Variants in CORIN observed in about 807,000 individuals in gnomAD.
The protein encoded by CORIN is atrial natriuretic peptide-converting enzyme.
Under a neutral mutation model 125.3 loss-of-function variants are expected in CORIN, and 117 were observed. The observed-to-expected ratio is 0.93, with a 90% CI of 0.80 to 1.09. The LOEUF is 1.09. CORIN is among the 50% of genes least tolerant of loss of function. CORIN has a pLI of 0.00. For synonymous variants in CORIN, 450 were observed against 466.4 expected, an observed-to-expected ratio of 0.96 and a Z score of 0.45; for missense variants, 1,253 against 1,306.7, an observed-to-expected ratio of 0.96 and a Z score of 0.63.
chr4:47,779,060 A>C (rs564875574), intron 3 of CORIN, among the ~76,000 whole-genome samples: 1 of 152,268 alleles, frequency 6.6e-6, no homozygotes, highest in Non-Finnish European at 1.5e-5. Context: ...TAGTATAATT[A>C]AATTGCCAAT....
chr4:47,659,794 C>T (rs1724164245), intron 12 of CORIN, among the ~76,000 whole-genome samples: 1 of 152,128 alleles, frequency 6.6e-6, no homozygotes, highest in African/African-American at 2.4e-5. Context: ...GTAAAGCAAT[C>T]TATAGATTAA....
chr4:47,643,062 C>A (rs753545657), intron 15 of CORIN, 84 bp downstream of exon 15: 1 of 1,603,346 alleles, frequency 6.2e-7, no homozygotes, highest in East Asian at 2.3e-5. Flanking sequence ...TCAGTAAAAT[C>A]CAGGAAGTAA....
In CORIN at chr4:47,806,943, A is replaced by C. The variant is rs745441793; in HGVS notation, c.168T>G (p.Cys56Trp). 3 of 1,613,934 alleles carry C rather than the reference A, an allele frequency of 1.9e-6. No individual in the cohort carries two copies. The Admixed American group carries it at 5.0e-5, about 27-fold the overall frequency. The part of the protein sequence containing the change: ...FLLLVLIPCI[C>W]ALVLLLVILL... ...GGATCACCAGCAAGAGAACGAGAGC[A>C]CAGATACATGGAATCAGGACCAGCA... The change falls in exon 2 of 22, where the codon TGT (cysteine) becomes TGG (tryptophan). Residue 56 changes from cysteine to tryptophan, a missense_variant. Transcript: ENST00000273857.
rs1553916103 is a variant in CORIN, at chr4:47,757,900, A to ATATG, written c.617+5478_617+5479insCATA. 4.4e-4 allele frequency among the ~76,000 whole-genome samples: 64 copies of ATATG among 144,240 alleles called. 2 individuals carry two copies. Among genetic ancestry groups the ATATG allele is most frequent in the Non-Finnish European group, 8.4e-4 (56 of 66,374 alleles). 94.6% of individuals were successfully genotyped at this position (144,240 alleles called of 152,430 possible). ...TATGTATATATATATATATATATAT[A>ATATG]TATATACACAAATATACACATATAT... is the stretch of plus-strand genomic sequence containing the variant. On this transcript the variant is annotated intron_variant, in intron 4 of 21. Coordinates refer to ENST00000273857, the MANE Select transcript of CORIN (RefSeq NM_006587.4).
intron 4 of CORIN, among the ~76,000 whole-genome samples, chr4:47,754,678 GATACTCTTTAA>G (rs1181751767): frequency 6.6e-6 from 1 of 151,928 alleles, no homozygotes; most frequent in Non-Finnish European, 1.5e-5. Flanking sequence ...TCCCCAGGGT[GATACTCTTTAA>G]ATATTTGTTT....
intron 1 of CORIN, among the ~76,000 whole-genome samples, chr4:47,837,027 G>T (rs541323548): frequency 6.6e-6 from 1 of 152,340 alleles, no homozygotes; most frequent in Non-Finnish European, 1.5e-5. Context: ...GGGGGCTCAG[G>T]CCAGTAGGGA....
intron 19 of CORIN, among the ~76,000 whole-genome samples, chr4:47,604,893 T>C (rs1212467276): frequency 6.6e-6 from 1 of 152,214 alleles, no homozygotes; most frequent in African/African-American, 2.4e-5. Context: ...CTGCTCACTA[T>C]TCTCCAAAAG....
intron 16 of CORIN, among the ~76,000 whole-genome samples, chr4:47,641,196 G>A (rs1723217498): frequency 6.6e-6 from 1 of 152,080 alleles, no homozygotes; most frequent in Non-Finnish European, 1.5e-5. Context: ...CTTAGGAAAT[G>A]GCATTTACTC....
At chr4:47,741,466 T>C (rs150335860) in intron 5 of CORIN, among the ~76,000 whole-genome samples, 4,977 of 152,104 alleles carry the variant, frequency 0.033, 168 homozygotes, top group Admixed American at 0.11. Flanking sequence ...GGAGCCCTCA[T>C]ACATTGTTTG....
At chr4:47,736,413 G>C (rs1296755378) in intron 5 of CORIN, among the ~76,000 whole-genome samples, 1 of 152,210 alleles carries the variant, frequency 6.6e-6, no homozygotes, top group African/African-American at 2.4e-5. Context: ...GCATCTGAGA[G>C]CTGATGAGAT....
chr4:47,717,629 G>A (rs138490462), intron 5 of CORIN, among the ~76,000 whole-genome samples: 10 of 152,238 alleles, frequency 6.6e-5, no homozygotes, highest in Admixed American at 2.0e-4. Flanking sequence ...TAAATCTAAT[G>A]CTATTTGCTC....
rs772140616 is a variant in CORIN at position 47,595,894 on chromosome 4, C to T, written c.2956G>A (p.Gly986Ser). ...GGCTTCTCACAAACAAGAGGCCCAC[C>T]GCTGTCACCCTGCAATAAGTAACGA... ...GTVDSCMGDS[G>S]GPLVCEKPGG... The change falls in exon 22 of 22, where the codon GGT becomes AGT. Residue 986 changes from glycine (G) to serine (S), a missense_variant. Coordinates refer to ENST00000273857, the MANE Select transcript of CORIN (RefSeq NM_006587.4). 14 of 1,606,914 alleles carry T rather than the reference C, an allele frequency of 8.7e-6. No individual in the cohort carries two copies. Among genetic ancestry groups the T allele is most frequent in the Middle Eastern group, 1.7e-4 (1 of 6,008 alleles).
In CORIN at chr4:47,800,376, T is replaced by G. The variant is rs535260846; in HGVS notation, c.208+6527A>C. ...GCCTCTAAGCACAGACGTACTTAAA[T>G]GTACTTACATTTTATATTAGCATTA... On this transcript the variant is annotated intron_variant, in intron 2 of 21. Transcript: ENST00000273857. Among the ~76,000 whole-genome samples, 6 of 152,276 alleles carry G rather than the reference T, an allele frequency of 3.9e-5. No homozygotes were observed. The South Asian group carries it at 1.0e-3, about 26-fold the overall frequency.
At chr4:47,705,592 G>A (rs1175391539) in intron 5 of CORIN, among the ~76,000 whole-genome samples, 1 of 152,192 alleles carries the variant, frequency 6.6e-6, no homozygotes, top group African/African-American at 2.4e-5. Flanking sequence ...TGATTTCGAC[G>A]TGGCCATAGG....
At chr4:47,803,496 A>G (rs1731634554) in intron 2 of CORIN, among the ~76,000 whole-genome samples, 1 of 152,258 alleles carries the variant, frequency 6.6e-6, no homozygotes, top group Admixed American at 6.5e-5. Context: ...TGATACTGGC[A>G]TACAAACAGA....
rs761243585 is a variant in CORIN, at chr4:47,645,139, G to A, written c.1899C>T (p.His633=). Reference sequence around the variant, plus strand: ...CTGGGAACCCATCGCAGATCACTGTGTGCTTCAAACATTGTTTATTGGATG... The same window carrying A: ...CTGGGAACCCATCGCAGATCACTGTATGCTTCAAACATTGTTTATTGGATG... ...ECPSNKQCLK[H]TVICDGFPDC... Residue 633 remains histidine, a synonymous_variant, in exon 14 of 22, where the codon CAC becomes CAT. Transcript: ENST00000273857. 5 of 1,613,168 alleles carry A rather than the reference G, an allele frequency of 3.1e-6. No homozygotes were observed. Among genetic ancestry groups the A allele is most frequent in the Non-Finnish European group, 4.2e-6 (5 of 1,179,572 alleles).
At position 47,666,726 on chromosome 4, in the gene CORIN, G is replaced by T. The variant is rs1260953643; in HGVS notation, c.1358-1463C>A. 3.3e-5 allele frequency among the ~76,000 whole-genome samples: 5 copies of T among 152,298 alleles called. No homozygotes were observed. In the South Asian group the frequency reaches 1.0e-3, roughly 32 times the overall value. On this transcript the variant is annotated intron_variant, in intron 10 of 21. Coordinates refer to ENST00000273857, the MANE Select transcript of CORIN (RefSeq NM_006587.4). ...CTCTCAGCCATGTGAGGAAACGCAA[G>T]AGGGCAACTGTCTGCAAACCAGGAA...
intron 5 of CORIN, among the ~76,000 whole-genome samples, chr4:47,718,094 T>C (rs549467275): frequency 1.1e-4 from 16 of 152,212 alleles, no homozygotes; most frequent in Non-Finnish European, 1.9e-4. Flanking sequence ...CATCTGACTA[T>C]GTGCCAAGTG....
intron 2 of CORIN, among the ~76,000 whole-genome samples, chr4:47,789,011 C>T (rs2109921261): frequency 6.6e-6 from 1 of 152,180 alleles, no homozygotes; most frequent in South Asian, 2.1e-4. Context: ...TTAAAGTGTT[C>T]ATAACATCTG....
Sources: allele counts gnomAD v4.1 joint callset (sites outside exome capture counted in the v4.1 genomes callset), GRCh38; gene constraint gnomAD v4.1.1; transcripts MANE v1.5; gene names NCBI Gene and HGNC (gene_info 2026-07-23, HGNC 2026-07-21).